Variants in UNC5C observed in about 807,000 individuals in gnomAD.
UNC5C encodes netrin receptor UNC5C.
A neutral mutation model predicts 99.8 loss-of-function variants in UNC5C; 47 were observed. The ratio of observed to expected loss-of-function variants is 0.47; its 90% CI spans 0.37 to 0.60. UNC5C has a LOEUF of 0.60. UNC5C is among the 20% of genes least tolerant of loss of function. The probability of loss-of-function intolerance (pLI) is 0.00; values close to 1 mark genes in which losing one functional copy is unlikely to be tolerated. For missense variants in UNC5C, 1,062 were observed against 1,165.9 expected (o/e 0.91, Z 1.30); for synonymous variants, 487 against 452.2 (o/e 1.08, Z -0.98).
chr4:95,301,494 C>T lies in UNC5C; in HGVS notation c.490+112G>A, dbSNP rs1038561685. On this transcript the variant is annotated intron_variant, in intron 3 of 15. Coordinates refer to ENST00000453304, the MANE Select transcript of UNC5C (RefSeq NM_003728.4). ...ACAGGCGTGAGTCACCGCGCCTGGC[C>T]TTTCCAGGATTTTTGACCAGTTTTC... 5 of 1,497,024 alleles carry T rather than the reference C, an allele frequency of 3.3e-6. No individual in the cohort carries two copies. In the Admixed American group the frequency reaches 5.7e-5, roughly 17 times the overall value. 92.7% of individuals were successfully genotyped at this position (1,497,024 alleles called of 1,614,324 possible).
chr4:95,417,042 C>A (rs1388189245), intron 1 of UNC5C, among the ~76,000 whole-genome samples: 1 of 152,002 alleles, frequency 6.6e-6, no homozygotes, highest in Non-Finnish European at 1.5e-5. Context: ...GAAAAGGGGG[C>A]CAAGGAACAT....
At chr4:95,270,056 T>C (rs1010038269) in intron 4 of UNC5C, among the ~76,000 whole-genome samples, 2 of 152,142 alleles carry the variant, frequency 1.3e-5, no homozygotes, top group Non-Finnish European at 2.9e-5. Context: ...GCTAATACTC[T>C]TCTGTAGACT....
At chr4:95,376,365 G>T (rs1353862715) in intron 1 of UNC5C, among the ~76,000 whole-genome samples, 1 of 151,968 alleles carries the variant, frequency 6.6e-6, no homozygotes, top group African/African-American at 2.4e-5. Context: ...TGATATTAGA[G>T]ACTAAAAGAA....
At chr4:95,353,885 A>C (rs1744076318) in intron 1 of UNC5C, among the ~76,000 whole-genome samples, 1 of 152,162 alleles carries the variant, frequency 6.6e-6, no homozygotes. Context: ...TAGTGACTAT[A>C]GAATGTAGAA....
Position 95,548,872 on chromosome 4 carries a change from T to C in UNC5C, c.-15A>G, listed in dbSNP as rs199744587. On this transcript the variant is annotated 5_prime_UTR_variant, in exon 1 of 16. Transcript: ENST00000453304. ...CCTTTCCTCATCGTAGACAGAGGTGTGCCGGGGGGAGGGGAGGGGGACAGA... is the reference window on the plus strand; with the variant it reads ...CCTTTCCTCATCGTAGACAGAGGTGCGCCGGGGGGAGGGGAGGGGGACAGA... 417 of 1,607,776 alleles carry C rather than the reference T, an allele frequency of 2.6e-4. 2 individuals are homozygous for C. The highest frequency in any genetic ancestry group is 3.7e-4 in the Middle Eastern group (2 of 5,408).
At chr4:95,494,424 C>T (rs192652343) in intron 1 of UNC5C, among the ~76,000 whole-genome samples, 10 of 151,344 alleles carry the variant, frequency 6.6e-5, no homozygotes, top group Non-Finnish European at 1.5e-4. Flanking sequence ...AAAATTAGAC[C>T]AAGAGGCCCC....
intron 7 of UNC5C, among the ~76,000 whole-genome samples, chr4:95,240,191 T>C (rs7434638): frequency 0.42 from 64,103 of 151,996 alleles, 13,853 homozygotes; most frequent in East Asian, 0.62. Context: ...TCTTTTCTAC[T>C]CCCATTCTTT....
At chr4:95,225,293 G>A (rs1738642430) in intron 7 of UNC5C, among the ~76,000 whole-genome samples, 1 of 152,176 alleles carries the variant, frequency 6.6e-6, no homozygotes, top group African/African-American at 2.4e-5. Flanking sequence ...CTGGGCTCAA[G>A]CTATCTGCCC....
chr4:95,324,546 C>T (rs1002759237), intron 2 of UNC5C, among the ~76,000 whole-genome samples: 1 of 152,136 alleles, frequency 6.6e-6, no homozygotes, highest in African/African-American at 2.4e-5. Flanking sequence ...AAAACGGTCC[C>T]TCCTGCCAAA....
In UNC5C at chr4:95,525,541, A is replaced by G. The variant is rs371059261; in HGVS notation, c.124+23193T>C. 2.1e-3 allele frequency among the ~76,000 whole-genome samples: 307 copies of G among 149,008 alleles called. 4 individuals are homozygous for G. The South Asian group carries it at 0.031, about 15-fold the overall frequency. Reference sequence around the variant, plus strand: ...TGATACTCAAGTTCTCACCTAAGACAGTACATTAAAAAACCCATATTCAAT... The same window carrying G: ...TGATACTCAAGTTCTCACCTAAGACGGTACATTAAAAAACCCATATTCAAT... On this transcript the variant is annotated intron_variant, in intron 1 of 15. Coordinates refer to ENST00000453304, the MANE Select transcript of UNC5C (RefSeq NM_003728.4).
intron 2 of UNC5C, among the ~76,000 whole-genome samples, chr4:95,329,363 G>T (rs6843030): frequency 6.6e-6 from 1 of 151,922 alleles, no homozygotes; most frequent in East Asian, 1.9e-4. Context: ...AGCAATGAAG[G>T]TTCAATGGAC....
chr4:95,419,647 A>C (rs1746262730), intron 1 of UNC5C, among the ~76,000 whole-genome samples: 1 of 152,100 alleles, frequency 6.6e-6, no homozygotes, highest in Non-Finnish European at 1.5e-5. Context: ...CTGTACATAA[A>C]CCAGAAATGC....
chr4:95,192,305 T>C, intron 12 of UNC5C, among the ~76,000 whole-genome samples: 1 of 111,742 alleles, frequency 8.9e-6, no homozygotes, highest in African/African-American at 3.5e-5. Context: ...CCTCCCCTTC[T>C]CACCTCCTCC....
chr4:95,464,925 A>C, intron 1 of UNC5C, among the ~76,000 whole-genome samples: 1 of 152,188 alleles, frequency 6.6e-6, no homozygotes, highest in East Asian at 1.9e-4. Flanking sequence ...TAAATAAGTG[A>C]ACCTGAAGAT....
intron 1 of UNC5C, among the ~76,000 whole-genome samples, chr4:95,532,996 A>G (rs895487408): frequency 1.1e-4 from 17 of 151,940 alleles, no homozygotes; most frequent in Non-Finnish European, 2.1e-4. Context: ...GTTTGAGGAG[A>G]GTGAGAAAGG....
At chr4:95,463,301 G>A (rs543550650) in intron 1 of UNC5C, among the ~76,000 whole-genome samples, 69 of 152,288 alleles carry the variant, frequency 4.5e-4, no homozygotes, top group African/African-American at 1.6e-3. Context: ...AGGCTCTGCC[G>A]CTAAGAGGAA....
intron 2 of UNC5C, among the ~76,000 whole-genome samples, chr4:95,330,590 C>A (rs1411212606): frequency 6.6e-6 from 1 of 151,858 alleles, no homozygotes; most frequent in East Asian, 1.9e-4. Context: ...TTTTTATCAC[C>A]TATTTTCTCT....
intron 1 of UNC5C, among the ~76,000 whole-genome samples, chr4:95,440,538 A>C (rs79568050): frequency 0.025 from 3,752 of 152,144 alleles, 59 homozygotes; most frequent in South Asian, 0.067. Flanking sequence ...TGAGTAGAAG[A>C]CTCTACTTAC....
intron 1 of UNC5C, among the ~76,000 whole-genome samples, chr4:95,518,423 A>G (rs903985591): frequency 5.9e-5 from 9 of 152,220 alleles, no homozygotes; most frequent in African/African-American, 2.2e-4. Context: ...AAACTATAAT[A>G]TAAATGGAAA....
Sources: allele counts gnomAD v4.1 joint callset (sites outside exome capture counted in the v4.1 genomes callset), GRCh38; gene constraint gnomAD v4.1.1; transcripts MANE v1.5; gene names NCBI Gene and HGNC (gene_info 2026-07-23, HGNC 2026-07-21).